The following CACNB2 variants were observed in gnomAD, a reference collection of about 807,000 sequenced individuals.
CACNB2 encodes voltage-dependent L-type calcium channel subunit beta-2.
A neutral mutation model predicts 73.3 loss-of-function variants in CACNB2; 42 were observed. That is an observed-to-expected ratio of 0.57 (90% CI 0.45 to 0.74). The LOEUF (loss-of-function observed/expected upper bound fraction) is 0.74. Among genes scored for constraint, CACNB2 ranks in the 30% least tolerant of loss-of-function variants. The probability of loss-of-function intolerance (pLI) is 0.00; values close to 1 mark genes in which losing one functional copy is unlikely to be tolerated. For missense variants in CACNB2, 940 were observed against 853.0 expected (o/e 1.10, Z -1.27); for synonymous variants, 348 against 310.3 (o/e 1.12, Z -1.28).
chr10:18,454,776 C>T (rs138656777), intron 3 of CACNB2, among the ~76,000 whole-genome samples: 53 of 152,280 alleles, frequency 3.5e-4, no homozygotes, highest in African/African-American at 1.1e-3. Flanking sequence ...CTGTGGCTCA[C>T]GCCTGCAATC....
chr10:18,532,299 A>T (rs1218677187), intron 10 of CACNB2, among the ~76,000 whole-genome samples: 1 of 152,156 alleles, frequency 6.6e-6, no homozygotes, highest in East Asian at 1.9e-4. Flanking sequence ...GTATATATTA[A>T]AACATGTTAA....
intron 3 of CACNB2, 121 bp downstream of exon 3, chr10:18,402,164 A>C (rs990538255): frequency 1.7e-6 from 2 of 1,143,280 alleles, no homozygotes; most frequent in Non-Finnish European, 2.6e-6. Flanking sequence ...GTCTGGTTTT[A>C]GAAAGGTACA....
chr10:18,239,866 A>G (rs560264878), intron 2 of CACNB2, among the ~76,000 whole-genome samples: 16 of 152,284 alleles, frequency 1.1e-4, no homozygotes, highest in Non-Finnish European at 2.1e-4. Context: ...TTTGTTTCAA[A>G]TAAGAGCTTG....
intron 2 of CACNB2, among the ~76,000 whole-genome samples, chr10:18,340,179 A>G (rs1431887725): frequency 6.6e-6 from 1 of 152,080 alleles, no homozygotes; most frequent in Non-Finnish European, 1.5e-5. Context: ...ATATATACAT[A>G]TATGTGTGTG....
chr10:18,350,225 A>G (rs2041648551), intron 2 of CACNB2, among the ~76,000 whole-genome samples: 1 of 152,220 alleles, frequency 6.6e-6, no homozygotes, highest in Admixed American at 6.5e-5. Context: ...AGCCTGGGCA[A>G]CAAGAGCAAA....
intron 5 of CACNB2, among the ~76,000 whole-genome samples, chr10:18,503,436 A>G (rs1431422264): frequency 1.3e-5 from 2 of 152,158 alleles, no homozygotes; most frequent in African/African-American, 4.8e-5. Flanking sequence ...GTCTCTACCA[A>G]AAGTATGAAA....
At chr10:18,408,495 T>TCCCAGAA (rs1327813013) in intron 3 of CACNB2, among the ~76,000 whole-genome samples, 5 of 152,094 alleles carry the variant, frequency 3.3e-5, no homozygotes, top group African/African-American at 1.2e-4. Context: ...CACCTTGGAC[T>TCCCAGAA]CTTGAAGTTC....
intron 2 of CACNB2, among the ~76,000 whole-genome samples, chr10:18,182,541 G>C (rs1310915724): frequency 1.3e-5 from 2 of 151,304 alleles, no homozygotes; most frequent in African/African-American, 4.9e-5. Context: ...AATCACCCAG[G>C]CAGGAGGTGG....
intron 2 of CACNB2, among the ~76,000 whole-genome samples, chr10:18,255,721 T>C (rs948002048): frequency 6.6e-6 from 1 of 152,192 alleles, no homozygotes; most frequent in Non-Finnish European, 1.5e-5. Context: ...CTCTTCATAG[T>C]TGCAGACGTA....
At chr10:18,306,262 T>C (rs1182321573) in intron 2 of CACNB2, among the ~76,000 whole-genome samples, 2 of 152,026 alleles carry the variant, frequency 1.3e-5, no homozygotes, top group Non-Finnish European at 2.9e-5. Flanking sequence ...ATGGCCACAA[T>C]CACTTGAGGA....
chr10:18,501,053 G>C (rs927410812), intron 5 of CACNB2, 105 bp downstream of exon 5: 1 of 1,150,650 alleles, frequency 8.7e-7, no homozygotes, highest in African/African-American at 1.5e-5. Flanking sequence ...TAACAAGGAG[G>C]CTGGTAATAT....
At chr10:18,383,811 T>C (rs1241739848) in intron 2 of CACNB2, among the ~76,000 whole-genome samples, 1 of 152,140 alleles carries the variant, frequency 6.6e-6, no homozygotes, top group Non-Finnish European at 1.5e-5. Context: ...ATTCAAGCGA[T>C]TCTCCCGCCT....
intron 2 of CACNB2, among the ~76,000 whole-genome samples, chr10:18,397,076 G>T (rs1354202692): frequency 1.3e-5 from 2 of 152,164 alleles, no homozygotes; most frequent in Admixed American, 6.5e-5. Flanking sequence ...AAAAATACAA[G>T]AATGCTCCAA....
chr10:18,530,482 A>G (rs947176138), intron 10 of CACNB2, among the ~76,000 whole-genome samples: 6 of 147,748 alleles, frequency 4.1e-5, no homozygotes, highest in African/African-American at 1.3e-4. Flanking sequence ...CTGTAATATT[A>G]TTATAATAAA....
intron 2 of CACNB2, among the ~76,000 whole-genome samples, chr10:18,229,166 G>C (rs890069389): frequency 2.0e-5 from 3 of 152,146 alleles, no homozygotes; most frequent in Non-Finnish European, 2.9e-5. Context: ...TAATTAGTGT[G>C]AGAAATTAGT....
At chr10:18,233,993 A>G (rs904032762) in intron 2 of CACNB2, among the ~76,000 whole-genome samples, 1 of 152,160 alleles carries the variant, frequency 6.6e-6, no homozygotes, top group African/African-American at 2.4e-5. Context: ...CTGCAATCCA[A>G]TAAAGGAGAC....
intron 2 of CACNB2, among the ~76,000 whole-genome samples, chr10:18,275,843 A>G (rs1030084526): frequency 6.6e-6 from 1 of 152,232 alleles, no homozygotes; most frequent in African/African-American, 2.4e-5. Flanking sequence ...TGCAGACCAC[A>G]GAAGCTCAAG....
chr10:18,220,278 G>C (rs2035738618), intron 2 of CACNB2, among the ~76,000 whole-genome samples: 1 of 132,026 alleles, frequency 7.6e-6, no homozygotes, highest in Non-Finnish European at 1.6e-5. Context: ...GAGAGAGAAA[G>C]AGAGAGAATC....
intron 2 of CACNB2, among the ~76,000 whole-genome samples, chr10:18,185,809 C>T (rs1343325234): frequency 6.6e-6 from 1 of 152,088 alleles, no homozygotes; most frequent in Non-Finnish European, 1.5e-5. Context: ...GTGCCAGAAA[C>T]TGTTCTCGGT....
Sources: allele counts gnomAD v4.1 joint callset (sites outside exome capture counted in the v4.1 genomes callset), GRCh38; gene constraint gnomAD v4.1.1; transcripts MANE v1.5; gene names NCBI Gene and HGNC (gene_info 2026-07-23, HGNC 2026-07-21).